PCDHGA5: variants seen among roughly 807,000 people sequenced by gnomAD.
PCDHGA5 encodes the protein protocadherin gamma-A5.
PCDHGA5 carries 36 observed loss-of-function variants against 56.7 expected under a neutral mutation model. That is an observed-to-expected ratio of 0.64 (90% CI 0.49 to 0.84). PCDHGA5 has a LOEUF of 0.84. Ranked by LOEUF, PCDHGA5 falls within the 40% of genes least tolerant of loss-of-function variation. PCDHGA5 has a pLI of 0.00. For synonymous variants in PCDHGA5, 563 were observed against 520.2 expected (o/e 1.08, Z -1.12); for missense variants, 1,305 against 1,201.5 (o/e 1.09, Z -1.27).
intron 1 of PCDHGA5, among the ~76,000 whole-genome samples, chr5:141,373,247 G>A (rs558862045): frequency 1.3e-5 from 2 of 152,208 alleles, no homozygotes; most frequent in African/African-American, 4.8e-5. Context: ...ACTTCCCTTT[G>A]CATGTTTTTA....
At chr5:141,449,542 T>C (rs1379019468) in intron 1 of PCDHGA5, among the ~76,000 whole-genome samples, 2 of 142,482 alleles carry the variant, frequency 1.4e-5, no homozygotes, top group African/African-American at 5.3e-5. Context: ...TGAGCCGAGA[T>C]CGCACCACTG....
chr5:141,438,767 T>C (rs1478209487), intron 1 of PCDHGA5, among the ~76,000 whole-genome samples: 2 of 148,566 alleles, frequency 1.3e-5, no homozygotes, highest in Non-Finnish European at 3.0e-5. Flanking sequence ...GTTCAAGCGA[T>C]TCTCCTGCCT....
intron 1 of PCDHGA5, among the ~76,000 whole-genome samples, chr5:141,435,885 C>T (rs2097784639): frequency 6.6e-6 from 1 of 152,088 alleles, no homozygotes; most frequent in Non-Finnish European, 1.5e-5. Context: ...TTGGAAACCC[C>T]TTAGAGAATG....
At chr5:141,398,695 A>G (rs753760185) in intron 1 of PCDHGA5, 3 of 1,613,784 alleles carry the variant, frequency 1.9e-6, no homozygotes, top group Non-Finnish European at 2.5e-6. Flanking sequence ...GGATGGTAGT[A>G]AATACCCGGA....
Position 141,398,972 on chromosome 5 carries a change from A to G in PCDHGA5, c.2421+32221A>G, listed in dbSNP as rs191593174. 31 of 1,613,974 alleles carry G rather than the reference A, an allele frequency of 1.9e-5. No homozygotes were observed. In the South Asian group the frequency reaches 2.5e-4, roughly 13 times the overall value. The stretch of plus-strand genomic sequence containing the variant: ...AACTCAGAAATTACTTATTCCTTCT[A>G]CAGAACCGGGCAAATCTTTAGTCTG... On this transcript the variant is annotated intron_variant, in intron 1 of 3. Transcript: ENST00000518069.
chr5:141,485,587 G>C lies in PCDHGA5; in HGVS notation c.2422-9220G>C. 6.2e-7 allele frequency: 1 copy of C among 1,612,652 alleles called. No individual in the cohort carries two copies. The highest frequency in any genetic ancestry group is 1.7e-5 in the Admixed American group (1 of 59,982). On this transcript the variant is annotated intron_variant, in intron 1 of 3. Coordinates refer to ENST00000518069, the MANE Select transcript of PCDHGA5 (RefSeq NM_018918.3). This position sits in a 1 kb window ranked among gnomAD's most constrained non-coding sequence, Gnocchi z 5.7. ...CCCCCCGTTTTCCGCGGCAGCAGCT[G>C]GACTTGGAAATTGGGGAGGCAGCTC... is the stretch of plus-strand genomic sequence containing the variant.
Position 141,408,587 on chromosome 5 carries a change from C to A in PCDHGA5, c.2421+41836C>A, listed in dbSNP as rs768912219. 3 of 1,613,898 alleles carry A rather than the reference C, an allele frequency of 1.9e-6. No homozygotes were observed. The South Asian group carries it at 3.3e-5, about 18-fold the overall frequency. ...TGTGGTGATTGAGGATGTTAATGACCACGCCCCTCAATTTGATAAAAAGGA... is the reference window on the plus strand; with the variant it reads ...TGTGGTGATTGAGGATGTTAATGACAACGCCCCTCAATTTGATAAAAAGGA... On this transcript the variant is annotated intron_variant, in intron 1 of 3. Transcript: ENST00000518069.
chr5:141,366,854 C>A (rs1018356495), intron 1 of PCDHGA5, 103 bp downstream of exon 1: 8 of 1,453,350 alleles, frequency 5.5e-6, no homozygotes, highest in Non-Finnish European at 7.4e-6. Context: ...AATAGTGGAA[C>A]ATTATTTGCT....
At chr5:141,408,579 T>G in intron 1 of PCDHGA5, 1 of 1,614,026 alleles carries the variant, frequency 6.2e-7, no homozygotes, top group Non-Finnish European at 8.5e-7. Flanking sequence ...ATTGAGGATG[T>G]TAATGACCAC....
intron 1 of PCDHGA5, chr5:141,389,851 CCA>C (rs2091943018): frequency 6.2e-7 from 1 of 1,613,936 alleles, no homozygotes; most frequent in Non-Finnish European, 8.5e-7. Context: ...TCGGCCACTG[CCA>C]CGTTGCACCT....
chr5:141,440,572 GT>G (rs1233263525), intron 1 of PCDHGA5: 1 of 152,200 alleles, frequency 6.6e-6, no homozygotes, highest in Non-Finnish European at 1.5e-5. Context: ...GTATCTCTGA[GT>G]TTACCCAGCT....
chr5:141,419,148 C>G, intron 1 of PCDHGA5: 1 of 1,613,940 alleles, frequency 6.2e-7, no homozygotes. Flanking sequence ...AGGGGCAAGC[C>G]TCCGTTATCC....
chr5:141,418,533 C>G, intron 1 of PCDHGA5: 1 of 1,614,032 alleles, frequency 6.2e-7, no homozygotes, highest in Non-Finnish European at 8.5e-7. Flanking sequence ...CGAAGCGGTA[C>G]TGCTCAGATA....
At chr5:141,400,856 A>G (rs1026499885) in intron 1 of PCDHGA5, among the ~76,000 whole-genome samples, 6 of 152,192 alleles carry the variant, frequency 3.9e-5, no homozygotes, top group Non-Finnish European at 8.8e-5. Context: ...ATTTTATTGT[A>G]TGTAGATAAA....
At chr5:141,419,436 G>T (rs756968644) in intron 1 of PCDHGA5, 1 of 1,613,144 alleles carries the variant, frequency 6.2e-7, no homozygotes, top group East Asian at 2.2e-5. Context: ...GAGCAGCTGC[G>T]CACCTTCGAG....
chr5:141,491,414 G>C lies in PCDHGA5; in HGVS notation c.2422-3393G>C, dbSNP rs137987971. 35 of 1,614,008 alleles carry C rather than the reference G, an allele frequency of 2.2e-5. No homozygotes were observed. Among genetic ancestry groups the C allele is most frequent in the African/African-American group, 1.3e-4 (10 of 74,910 alleles). On this transcript the variant is annotated intron_variant, in intron 1 of 3. Coordinates refer to ENST00000518069, the MANE Select transcript of PCDHGA5 (RefSeq NM_018918.3). The surrounding 1 kb of genome is among the most constrained non-coding windows in gnomAD (Gnocchi z 6.9). ...CTTCAGGGAAACGCAGACGGGGACG[G>C]GGGTGGAGGGCAGTGCTGCAGGCGC...
intron 1 of PCDHGA5, among the ~76,000 whole-genome samples, chr5:141,386,466 A>G (rs1317226366): frequency 3.9e-5 from 6 of 152,122 alleles, no homozygotes; most frequent in Non-Finnish European, 8.8e-5. Context: ...GCTTGAACCC[A>G]AGAATTGGAG....
At chr5:141,450,297 G>A (rs1414677718) in intron 1 of PCDHGA5, among the ~76,000 whole-genome samples, 3 of 151,838 alleles carry the variant, frequency 2.0e-5, no homozygotes, top group Non-Finnish European at 4.4e-5. Context: ...ACAGGCGTGA[G>A]CCACCATGTG....
chr5:141,512,068 C>T lies in PCDHGA5; in HGVS notation c.*895C>T, dbSNP rs1215311369. 6.6e-6 allele frequency: 1 copy of T among 152,664 alleles called. No individual in the cohort carries two copies. The highest frequency in any genetic ancestry group is 1.5e-5 in the Non-Finnish European group (1 of 68,066). The allele number at this position is 152,664 out of a possible 1,614,324, so 9.5% of individuals were successfully genotyped here. On this transcript the variant is annotated 3_prime_UTR_variant, in exon 4 of 4. Transcript: ENST00000518069. The stretch of plus-strand genomic sequence containing the variant: ...TCCTCAGGGGACTGACAACATCCTC[C>T]AGATTCCAGCCATAAACCAATAACT...
Sources: allele counts gnomAD v4.1 joint callset (sites outside exome capture counted in the v4.1 genomes callset), GRCh38; gene constraint gnomAD v4.1.1; non-coding constraint Gnocchi (gnomAD v3.1); transcripts MANE v1.5; gene names NCBI Gene and HGNC (gene_info 2026-07-23, HGNC 2026-07-21).